The following MOB3B variants were observed in gnomAD, a reference collection of about 807,000 sequenced individuals.
The protein encoded by MOB3B is MOB kinase activator 3B.
In MOB3B, 7 loss-of-function variants were observed where a neutral mutation model predicts 18.7. That is an observed-to-expected ratio of 0.37 (90% CI 0.21 to 0.70). The LOEUF (loss-of-function observed/expected upper bound fraction) is 0.70, where lower values mean the gene tolerates loss of function less well. Among genes scored for constraint, MOB3B ranks in the 30% least tolerant of loss-of-function variants. The probability of loss-of-function intolerance (pLI) is 0.52; values close to 1 mark genes in which losing one functional copy is unlikely to be tolerated. For missense variants in MOB3B, 253 were observed against 281.3 expected (o/e 0.90, Z 0.72); for synonymous variants, 111 against 99.9 (o/e 1.11, Z -0.66).
At chr9:27,330,725 C>A (rs1034480443) in intron 3 of MOB3B, 109 bp from the exon 4 acceptor site, 1 of 1,482,234 alleles carries the variant, frequency 6.7e-7, no homozygotes. Context: ...TAAATGAAAG[C>A]TTGCAAGCAT....
intron 1 of MOB3B, among the ~76,000 whole-genome samples, chr9:27,487,618 G>C (rs1037841561): frequency 6.6e-5 from 10 of 151,910 alleles, no homozygotes; most frequent in Non-Finnish European, 1.3e-4. Flanking sequence ...GGTACATTTG[G>C]GTTCATTATT....
At chr9:27,524,217 A>AATG (rs1258706614) in intron 1 of MOB3B, 1 of 1,057,886 alleles carries the variant, frequency 9.5e-7, no homozygotes, top group African/African-American at 1.6e-5. Context: ...TTAACTGTGA[A>AATG]ATGACGAATG....
At chr9:27,372,347 TA>T (rs1346646661) in intron 2 of MOB3B, among the ~76,000 whole-genome samples, 2 of 152,216 alleles carry the variant, frequency 1.3e-5, no homozygotes, top group Admixed American at 1.3e-4. Context: ...CACACTGATA[TA>T]AATAAATGGT....
chr9:27,476,331 C>G (rs1819552292), intron 1 of MOB3B, among the ~76,000 whole-genome samples: 1 of 152,178 alleles, frequency 6.6e-6, no homozygotes, highest in Non-Finnish European at 1.5e-5. Flanking sequence ...AGGGAGAAAT[C>G]TGTTTCATGT....
rs548172554 is a variant in MOB3B, at chr9:27,376,365, T to C, written c.419-17129A>G. Among the ~76,000 whole-genome samples the C allele has an allele frequency of 2.0e-5, 3 of 152,332 alleles. No individual in the cohort carries two copies. In the South Asian group the frequency reaches 6.2e-4, roughly 32 times the overall value. The stretch of plus-strand genomic sequence containing the variant: ...GAACACTTTGCATTATACTCCACAA[T>C]AGATGTTTGTTTCATAGAAAATATT... On this transcript the variant is annotated intron_variant, in intron 2 of 3. Transcript: ENST00000262244.
chr9:27,491,550 T>C (rs1819820267), intron 1 of MOB3B, among the ~76,000 whole-genome samples: 1 of 152,206 alleles, frequency 6.6e-6, no homozygotes, highest in South Asian at 2.1e-4. Flanking sequence ...TCTTTTTCCA[T>C]ATTCTAAATT....
intron 1 of MOB3B, among the ~76,000 whole-genome samples, chr9:27,518,682 T>C (rs1820277052): frequency 6.6e-6 from 1 of 152,184 alleles, no homozygotes; most frequent in Admixed American, 6.5e-5. Context: ...GGATATTAGT[T>C]TGTCCAAAGA....
chr9:27,450,050 T>C (rs930430447), intron 2 of MOB3B, among the ~76,000 whole-genome samples: 4 of 151,460 alleles, frequency 2.6e-5, no homozygotes, highest in African/African-American at 9.7e-5. Context: ...CAACATCCCA[T>C]GTCTGAGAAG....
chr9:27,409,214 T>C (rs959406204), intron 2 of MOB3B, among the ~76,000 whole-genome samples: 1 of 152,208 alleles, frequency 6.6e-6, no homozygotes, highest in Admixed American at 6.5e-5. Context: ...ATCAGGGATA[T>C]GTTGGTGCAC....
chr9:27,408,652 C>T (rs760830217), intron 2 of MOB3B, among the ~76,000 whole-genome samples: 3 of 152,170 alleles, frequency 2.0e-5, no homozygotes, highest in Admixed American at 1.3e-4. Context: ...CATGCTGTAA[C>T]CTCACTGTGC....
rs534957798 is a variant in MOB3B, at chr9:27,326,892, C to G, written c.*3695G>C. On this transcript the variant is annotated 3_prime_UTR_variant, in exon 4 of 4. Coordinates refer to ENST00000262244, the MANE Select transcript of MOB3B (RefSeq NM_024761.5). Reference sequence around the variant, plus strand: ...GTACTTGTGATCCTTTGGAGGGTCACAACTCACTGTACTATCTAAGAGTTT... The same window carrying G: ...GTACTTGTGATCCTTTGGAGGGTCAGAACTCACTGTACTATCTAAGAGTTT... 58 of 246,292 alleles carry G rather than the reference C, an allele frequency of 2.4e-4. No homozygotes were observed. Among genetic ancestry groups the G allele is most frequent in the Non-Finnish European group, 4.1e-4 (54 of 130,268 alleles). 15.3% of individuals were successfully genotyped at this position (246,292 alleles called of 1,614,324 possible). A position where few individuals can be genotyped will look rare whatever the true frequency, so the allele number is the denominator to read the frequency against.
At chr9:27,443,671 C>T (rs551093938) in intron 2 of MOB3B, among the ~76,000 whole-genome samples, 3 of 152,264 alleles carry the variant, frequency 2.0e-5, no homozygotes, top group Admixed American at 6.5e-5. Context: ...TACCCTGGAC[C>T]GTCTTCTATT....
chr9:27,474,205 A>C (rs1819518212), intron 1 of MOB3B, among the ~76,000 whole-genome samples: 1 of 152,234 alleles, frequency 6.6e-6, no homozygotes, highest in Non-Finnish European at 1.5e-5. Context: ...TATGGGAAGG[A>C]GATAAAGTAA....
intron 1 of MOB3B, among the ~76,000 whole-genome samples, chr9:27,506,703 TG>T (rs368860790): frequency 0.031 from 4,781 of 152,142 alleles, 98 homozygotes; most frequent in Middle Eastern, 0.065. Flanking sequence ...GCTAATTTTT[TG>T]TAATTTTAGT....
At chr9:27,467,090 C>A (rs1819395741) in intron 1 of MOB3B, among the ~76,000 whole-genome samples, 2 of 152,114 alleles carry the variant, frequency 1.3e-5, no homozygotes, top group South Asian at 4.2e-4. Context: ...ATGATTCTAC[C>A]CACTCTATTC....
At chr9:27,502,440 T>G (rs1820005419) in intron 1 of MOB3B, among the ~76,000 whole-genome samples, 1 of 152,250 alleles carries the variant, frequency 6.6e-6, no homozygotes, top group African/African-American at 2.4e-5. Flanking sequence ...CTTAGCATTT[T>G]ACCTCTGAAT....
intron 2 of MOB3B, among the ~76,000 whole-genome samples, chr9:27,365,961 T>C (rs777173892): frequency 1.3e-5 from 2 of 152,190 alleles, no homozygotes; most frequent in Non-Finnish European, 2.9e-5. Flanking sequence ...CAATCACTGA[T>C]ACAAGTTTCT....
intron 2 of MOB3B, among the ~76,000 whole-genome samples, chr9:27,395,620 TG>T (rs978136766): frequency 1.3e-5 from 2 of 152,226 alleles, no homozygotes; most frequent in African/African-American, 4.8e-5. Flanking sequence ...CCTTAAATAC[TG>T]CAACGCTCAG....
intron 1 of MOB3B, among the ~76,000 whole-genome samples, chr9:27,521,421 A>G (rs1308926708): frequency 6.6e-6 from 1 of 152,232 alleles, no homozygotes; most frequent in Middle Eastern, 3.2e-3. Context: ...TAGCTTGGTT[A>G]GTATCATTGA....
Sources: allele counts gnomAD v4.1 joint callset (sites outside exome capture counted in the v4.1 genomes callset), GRCh38; gene constraint gnomAD v4.1.1; transcripts MANE v1.5; gene names NCBI Gene and HGNC (gene_info 2026-07-23, HGNC 2026-07-21).